The following CCND3 variants were observed in gnomAD, a reference collection of about 807,000 sequenced individuals.
CCND3 encodes G1/S-specific cyclin-D3.
CCND3 carries 9 observed loss-of-function variants against 28.7 expected under a neutral mutation model. That is an observed-to-expected ratio of 0.31 (90% CI 0.19 to 0.55). The LOEUF (loss-of-function observed/expected upper bound fraction) is 0.55, where lower values mean the gene tolerates loss of function less well. Among genes scored for constraint, CCND3 ranks in the 20% least tolerant of loss-of-function variants. The pLI, the probability that CCND3 is intolerant of heterozygous loss-of-function variation, is 0.93. For missense variants in CCND3, 315 were observed against 385.8 expected, an observed-to-expected ratio of 0.82 and a Z score of 1.54; for synonymous variants, 164 against 163.9, an observed-to-expected ratio of 1.00 and a Z score of 0.00.
intron 1 of CCND3, among the ~76,000 whole-genome samples, chr6:42,025,006 C>T (rs1396981467): frequency 7.2e-5 from 11 of 152,102 alleles, no homozygotes; most frequent in Non-Finnish European, 1.0e-4. Context: ...TGCAGTGAGA[C>T]GAGATCATGC....
intron 1 of CCND3, among the ~76,000 whole-genome samples, chr6:41,978,002 C>G (rs553939771): frequency 3.3e-5 from 5 of 151,928 alleles, no homozygotes; most frequent in African/African-American, 1.2e-4. Context: ...TTGCAGCAAG[C>G]CGAGATTATG....
chr6:41,944,891 CCTGA>C (rs1199394688), upstream of CCND3, among the ~76,000 whole-genome samples: 1 of 152,122 alleles, frequency 6.6e-6, no homozygotes, highest in African/African-American at 2.4e-5. Context: ...CTAGATCATC[CCTGA>C]CTTTCAGGGC....
At chr6:41,970,909 C>T (rs1762015844) in intron 1 of CCND3, among the ~76,000 whole-genome samples, 1 of 148,090 alleles carries the variant, frequency 6.8e-6, no homozygotes, top group Non-Finnish European at 1.5e-5. Context: ...CAAACTTGCT[C>T]CAGTTTCTTT....
chr6:42,033,639 G>A (rs1246529166), intron 1 of CCND3, among the ~76,000 whole-genome samples: 3 of 151,804 alleles, frequency 2.0e-5, no homozygotes, highest in Non-Finnish European at 4.4e-5. Context: ...CCTGAGATCA[G>A]AAGGACGAGA....
At chr6:42,036,376 A>ACT (rs2127438864) in intron 1 of CCND3, among the ~76,000 whole-genome samples, 2 of 86,740 alleles carry the variant, frequency 2.3e-5, no homozygotes, top group East Asian at 7.5e-4. Context: ...GTGCATATAT[A>ACT]CTATATATAT....
intron 1 of CCND3, among the ~76,000 whole-genome samples, chr6:41,958,815 C>T (rs565343565): frequency 1.1e-4 from 17 of 152,270 alleles, no homozygotes; most frequent in Admixed American, 7.2e-4. Flanking sequence ...CGTCTCAGTT[C>T]GGAAACAAGT....
chr6:42,016,910 C>T (rs79695329), intron 1 of CCND3, among the ~76,000 whole-genome samples: 1 of 152,144 alleles, frequency 6.6e-6, no homozygotes, highest in South Asian at 2.1e-4. Context: ...TTCCAAAGTT[C>T]ACACTCTCAA....
intron 1 of CCND3, among the ~76,000 whole-genome samples, chr6:42,017,858 C>CTATTTTATATTTT (rs1281212029): frequency 6.6e-6 from 1 of 152,112 alleles, no homozygotes; most frequent in Non-Finnish European, 1.5e-5. Context: ...TATATTTTAG[C>CTATTTTATATTTT]AACAAAATGT....
At position 41,952,811 on chromosome 6, in the gene CCND3, AGTGT is replaced by A. The variant is rs58133117; in HGVS notation, c.-45-12230_-45-12227del. 1.3e-4 allele frequency among the ~76,000 whole-genome samples: 20 copies of A among 150,836 alleles called. No individual in the cohort carries two copies. The East Asian group carries it at 1.6e-3, about 12-fold the overall frequency. On this transcript the variant is annotated intron_variant, in intron 1 of 4. Transcript: ENST00000372988. ...TGCTCATTTTAAAGTAGTGAGTGTG[AGTGT>A]GTGTGTGTGTGTGTGTGACATGAAA...
chr6:41,962,161 C>T (rs1761735515), intron 1 of CCND3, among the ~76,000 whole-genome samples: 1 of 151,956 alleles, frequency 6.6e-6, no homozygotes, highest in Admixed American at 6.6e-5. Context: ...AGTGTAGTGG[C>T]ACGATATCGG....
rs35776222 is a variant in CCND3, at chr6:41,989,454, C to CAAAAAAAAAAAAAAAAAAAAAA, written c.-45-48870_-45-48869insTTTTTTTTTTTTTTTTTTTTTT. Among the ~76,000 whole-genome samples, 6 of 21,716 alleles carry CAAAAAAAAAAAAAAAAAAAAAA rather than the reference C, an allele frequency of 2.8e-4. 3 individuals are homozygous for CAAAAAAAAAAAAAAAAAAAAAA. Among genetic ancestry groups the CAAAAAAAAAAAAAAAAAAAAAA allele is most frequent in the Non-Finnish European group, 2.2e-4 (2 of 9,132 alleles). 14.2% of individuals were successfully genotyped at this position (21,716 alleles called of 152,430 possible). A position where few individuals can be genotyped will look rare whatever the true frequency, so the allele number is the denominator to read the frequency against. On this transcript the variant is annotated intron_variant, in intron 1 of 4. Coordinates refer to the CCND3 transcript ENST00000372988. ...GGGCGACAAGAGTGAAACACTGTCT[C>CAAAAAAAAAAAAAAAAAAAAAA]AAAAAAAAAAAACAAAAAAAAAAAA... is the stretch of plus-strand genomic sequence containing the variant.
At chr6:41,937,192 T>TC (rs765837668) in intron 3 of CCND3, 43 bp downstream of exon 3, 1 of 1,607,086 alleles carries the variant, frequency 6.2e-7, no homozygotes, top group Non-Finnish European at 8.5e-7. Flanking sequence ...TTATAAGTCT[T>TC]CTGATTTTTC....
chr6:41,940,232 C>G, intron 2 of CCND3, 138 bp downstream of exon 2: 1 of 754,592 alleles, frequency 1.3e-6, no homozygotes, highest in South Asian at 1.6e-5. Context: ...GTTTGTTCCA[C>G]CCCAATTCCT....
chr6:42,026,564 A>T (rs767668930), intron 1 of CCND3, among the ~76,000 whole-genome samples: 4 of 152,090 alleles, frequency 2.6e-5, no homozygotes, highest in Non-Finnish European at 5.9e-5. Flanking sequence ...CCTCACCCAC[A>T]TGACACAGGC....
intron 1 of CCND3, among the ~76,000 whole-genome samples, chr6:42,039,923 G>C (rs560668274): frequency 6.6e-6 from 1 of 152,338 alleles, no homozygotes; most frequent in African/African-American, 2.4e-5. Context: ...TTGCCCGGGG[G>C]GATTCGTGTC....
At chr6:41,976,628 G>A (rs1475318612) in intron 1 of CCND3, among the ~76,000 whole-genome samples, 1 of 152,146 alleles carries the variant, frequency 6.6e-6, no homozygotes, top group Non-Finnish European at 1.5e-5. Context: ...GGGTGACAGA[G>A]GAAGACCCCC....
Position 42,048,833 on chromosome 6 carries a change from C to T in CCND3, c.-378G>A, listed in dbSNP as rs1365688954. The T allele has an allele frequency of 2.9e-6, 1 of 343,298 alleles. No individual in the cohort carries two copies. The highest frequency in any genetic ancestry group is 5.6e-6 in the Non-Finnish European group (1 of 178,238). The allele number at this position is 343,298 out of a possible 1,614,324, so 21.3% of individuals were successfully genotyped here. A position where few individuals can be genotyped will look rare whatever the true frequency, so the allele number is the denominator to read the frequency against. On this transcript the variant is annotated 5_prime_UTR_variant, in exon 1 of 5. Transcript: ENST00000372988. The surrounding 1 kb of genome is among the most constrained non-coding windows in gnomAD (Gnocchi z 4.7). ...CACCCCCTGTACACCCTCGGCGAGGCCAGGAGGCTCATCCGGCGCCGCGCA... is the reference window on the plus strand; with the variant it reads ...CACCCCCTGTACACCCTCGGCGAGGTCAGGAGGCTCATCCGGCGCCGCGCA...
intron 1 of CCND3, among the ~76,000 whole-genome samples, chr6:42,018,199 G>A (rs1037632268): frequency 7.3e-5 from 11 of 151,382 alleles, no homozygotes; most frequent in Non-Finnish European, 1.3e-4. Flanking sequence ...GCCTTTATTT[G>A]TTTGTTTGTT....
intron 1 of CCND3, among the ~76,000 whole-genome samples, chr6:42,022,909 A>G (rs1763754139): frequency 6.6e-6 from 1 of 152,234 alleles, no homozygotes; most frequent in South Asian, 2.1e-4. Flanking sequence ...TGGAGGCCCC[A>G]TGCTGGGCCA....
Sources: gnomAD v4.1 joint callset for allele counts (sites outside exome capture counted in the v4.1 genomes callset) on GRCh38, gnomAD v4.1.1 for gene constraint, Gnocchi (gnomAD v3.1) non-coding constraint, MANE v1.5 for transcripts, NCBI Gene and HGNC (gene_info 2026-07-23, HGNC 2026-07-21) for gene names.